Variants in TENM2 observed in about 807,000 individuals in gnomAD.
TENM2 encodes teneurin-2.
TENM2 carries 52 observed loss-of-function variants against 245.2 expected under a neutral mutation model. The ratio of observed to expected loss-of-function variants is 0.21; its 90% CI spans 0.17 to 0.27. TENM2 has a LOEUF of 0.27. Ranked by LOEUF, TENM2 falls within the 10% of genes least tolerant of loss-of-function variation. The pLI is 1.00. For synonymous variants in TENM2, 1,363 were observed against 1,438.9 expected, an observed-to-expected ratio of 0.95 and a Z score of 1.19; for missense variants, 3,046 against 3,666.8, an observed-to-expected ratio of 0.83 and a Z score of 4.37.
chr5:167,704,409 T>C (rs1203340828), intron 2 of TENM2, among the ~76,000 whole-genome samples: 1 of 152,208 alleles, frequency 6.6e-6, no homozygotes, highest in South Asian at 2.1e-4. Context: ...TTCCTACTCA[T>C]TCATTTAATA....
Position 168,159,611 on chromosome 5 carries a change from G to A in TENM2, c.2423-3000G>A, listed in dbSNP as rs150716198. On this transcript the variant is annotated intron_variant, in intron 12 of 28. Transcript: ENST00000518659. The stretch of plus-strand genomic sequence containing the variant: ...CACCAGTAGAATGAACTTGTGCTGG[G>A]GTTAGCTTGGGGTTGCCTAGCAACG... Among the ~76,000 whole-genome samples, 635 of 152,314 alleles carry A rather than the reference G, an allele frequency of 4.2e-3. 2 individuals carry two copies. Among genetic ancestry groups the A allele is most frequent in the African/African-American group, 0.015 (611 of 41,568 alleles).
At chr5:167,826,445 A>G (rs970577560) in intron 2 of TENM2, among the ~76,000 whole-genome samples, 6 of 152,214 alleles carry the variant, frequency 3.9e-5, no homozygotes, top group Admixed American at 2.6e-4. Context: ...AGACCCCTTG[A>G]TAGACTCTGC....
At chr5:167,458,215 G>T (rs930080901) in intron 2 of TENM2, among the ~76,000 whole-genome samples, 1 of 152,020 alleles carries the variant, frequency 6.6e-6, no homozygotes, top group Non-Finnish European at 1.5e-5. Flanking sequence ...TGCCAGGCAC[G>T]GTGGCTCACG....
intron 1 of TENM2, among the ~76,000 whole-genome samples, chr5:167,307,189 G>A (rs984719025): frequency 6.6e-6 from 1 of 152,200 alleles, no homozygotes; most frequent in Non-Finnish European, 1.5e-5. Context: ...GGCTATTTTG[G>A]TGCTCAGATC....
At chr5:166,984,225 T>C in the TENM2 span, among the ~76,000 whole-genome samples, 1 of 152,126 alleles carries the variant, frequency 6.6e-6, no homozygotes, top group Admixed American at 6.5e-5. Context: ...TTCTTTTGTT[T>C]ATTTAGGTTT....
At chr5:168,252,104 A>G in intron 27 of TENM2, among the ~76,000 whole-genome samples, 1 of 152,184 alleles carries the variant, frequency 6.6e-6, no homozygotes, top group Non-Finnish European at 1.5e-5. Context: ...TGGGCCAGGC[A>G]TGGTGGCTTA....
rs1583549918 is a variant in TENM2, at chr5:167,977,050, CAAACTAACACAGGAACAGA to C, written c.948-15889_948-15871del. On this transcript the variant is annotated intron_variant, in intron 4 of 28. Transcript: ENST00000518659. ...TGGAGCTAGAGACCATTATCCTTAG[CAAACTAACACAGGAACAGA>C]AAACCAAATACCACATGTTTTTAAT... 2.0e-5 allele frequency among the ~76,000 whole-genome samples: 3 copies of C among 152,264 alleles called. No homozygotes were observed. The East Asian group carries it at 5.8e-4, about 29-fold the overall frequency.
the TENM2 span, among the ~76,000 whole-genome samples, chr5:167,058,082 A>G: frequency 1.3e-5 from 2 of 152,152 alleles, no homozygotes; most frequent in African/African-American, 4.8e-5. Context: ...AGGGGCCAGC[A>G]GTTTGACCAA....
intron 2 of TENM2, among the ~76,000 whole-genome samples, chr5:167,806,765 G>C (rs969737947): frequency 1.3e-5 from 2 of 151,998 alleles, no homozygotes; most frequent in African/African-American, 2.4e-5. Flanking sequence ...TGGTTTCTTA[G>C]GGTGAAAGAA....
chr5:167,836,459 A>G lies in TENM2; in HGVS notation c.503-39527A>G, dbSNP rs889437116. Among the ~76,000 whole-genome samples, 3 of 152,218 alleles carry G rather than the reference A, an allele frequency of 2.0e-5. No individual in the cohort carries two copies. In the South Asian group the frequency reaches 6.2e-4, roughly 32 times the overall value. On this transcript the variant is annotated intron_variant, in intron 2 of 28. Transcript: ENST00000518659. ...GGCAGCCTCTGTGACAAATTGTGACATCTTTTTAAGGACCCATCCAACTAT... is the reference window on the plus strand; with the variant it reads ...GGCAGCCTCTGTGACAAATTGTGACGTCTTTTTAAGGACCCATCCAACTAT...
intron 2 of TENM2, among the ~76,000 whole-genome samples, chr5:167,830,628 G>T (rs1434607965): frequency 1.3e-5 from 2 of 152,178 alleles, no homozygotes; most frequent in African/African-American, 4.8e-5. Flanking sequence ...GGCAGAGGAG[G>T]CAAACGAAAG....
At chr5:167,299,880 G>T (rs1205177442) in intron 1 of TENM2, among the ~76,000 whole-genome samples, 2 of 152,136 alleles carry the variant, frequency 1.3e-5, no homozygotes, top group Non-Finnish European at 2.9e-5. Context: ...GAAGGAGCCA[G>T]GGAGCAGAAA....
intron 1 of TENM2, among the ~76,000 whole-genome samples, chr5:167,362,730 A>G (rs1421885624): frequency 2.0e-5 from 3 of 152,220 alleles, no homozygotes; most frequent in Non-Finnish European, 4.4e-5. Context: ...TACTTAATGG[A>G]ATAAACATTA....
intron 13 of TENM2, 55 bp downstream of exon 15, chr5:168,162,812 T>C (rs1358470434): frequency 1.6e-5 from 26 of 1,583,806 alleles, no homozygotes; most frequent in Non-Finnish European, 2.2e-5. Context: ...TGTCCATGCT[T>C]TTGTCATAAG....
intron 2 of TENM2, among the ~76,000 whole-genome samples, chr5:167,668,461 A>C (rs372216755): frequency 5.9e-4 from 90 of 152,214 alleles, no homozygotes; most frequent in African/African-American, 2.0e-3. Context: ...TCCTTGGGTC[A>C]CTCCCTGTTT....
rs111935785 is a variant in TENM2, at chr5:168,100,230, A to T, written c.1813+2103A>T. ...ATGGTGATCATTAAAAAGTCAGGAA[A>T]CAACAGATGCTGGAGAGGATCTGGA... On this transcript the variant is annotated intron_variant, in intron 9 of 28. Transcript: ENST00000518659. 5.6e-3 allele frequency among the ~76,000 whole-genome samples: 857 copies of T among 152,248 alleles called. 4 individuals carry two copies. Among genetic ancestry groups the T allele is most frequent in the African/African-American group, 0.02 (820 of 41,534 alleles).
intron 2 of TENM2, among the ~76,000 whole-genome samples, chr5:167,499,912 AT>A (rs907613335): frequency 5.8e-4 from 46 of 79,652 alleles, no homozygotes; most frequent in African/African-American, 2.4e-3. Flanking sequence ...GTGAGGGTGT[AT>A]ATGTGTGTGT....
intron 4 of TENM2, among the ~76,000 whole-genome samples, chr5:167,956,286 A>G (rs553827910): frequency 6.6e-6 from 1 of 152,308 alleles, no homozygotes; most frequent in African/African-American, 2.4e-5. Flanking sequence ...TTATTGGTGT[A>G]TAAAAATGCT....
chr5:168,173,279 C>T (rs1467611918), intron 13 of TENM2, among the ~76,000 whole-genome samples: 2 of 152,184 alleles, frequency 1.3e-5, no homozygotes, highest in East Asian at 1.9e-4. Flanking sequence ...AAGGAGCAGG[C>T]AGGGCAGACC....
Sources: allele counts gnomAD v4.1 joint callset (sites outside exome capture counted in the v4.1 genomes callset), GRCh38; gene constraint gnomAD v4.1.1; transcripts MANE v1.5; gene names NCBI Gene and HGNC (gene_info 2026-07-23, HGNC 2026-07-21).